The following DTNA variants were observed in gnomAD, a reference collection of about 807,000 sequenced individuals.
DTNA encodes the protein dystrophin-related protein 3.
Under a neutral mutation model 100.7 loss-of-function variants are expected in DTNA, and 43 were observed. The ratio of observed to expected loss-of-function variants is 0.43; its 90% CI spans 0.33 to 0.55. The LOEUF (loss-of-function observed/expected upper bound fraction) is 0.55, where lower values mean the gene tolerates loss of function less well. Among genes scored for constraint, DTNA ranks in the 20% least tolerant of loss-of-function variants. The pLI, the probability that DTNA is intolerant of heterozygous loss-of-function variation, is 0.04. For missense variants in DTNA, 798 were observed against 953.9 expected, an observed-to-expected ratio of 0.84 and a Z score of 2.15; for synonymous variants, 349 against 347.9, an observed-to-expected ratio of 1.00 and a Z score of -0.04.
chr18:34,527,877 G>A (rs2042777301), intron 1 of DTNA, among the ~76,000 whole-genome samples: 1 of 151,882 alleles, frequency 6.6e-6, no homozygotes, highest in African/African-American at 2.4e-5. Context: ...CACCTATTTG[G>A]GGAAATTCTC....
chr18:34,735,888 G>A (rs1291600087), intron 1 of DTNA, among the ~76,000 whole-genome samples: 1 of 152,116 alleles, frequency 6.6e-6, no homozygotes, highest in East Asian at 1.9e-4. Flanking sequence ...CTAAAACAGT[G>A]CATGAGAAGC....
chr18:34,517,741 T>G (rs1231229369), intron 1 of DTNA, among the ~76,000 whole-genome samples: 6 of 152,070 alleles, frequency 3.9e-5, no homozygotes, highest in Non-Finnish European at 1.5e-5. Flanking sequence ...TCAACATAAT[T>G]TCATTGAGTT....
At chr18:34,842,811 A>T (rs1292107160) in intron 13 of DTNA, among the ~76,000 whole-genome samples, 2 of 151,994 alleles carry the variant, frequency 1.3e-5, no homozygotes, top group Non-Finnish European at 2.9e-5. Context: ...TTTTCTTCTT[A>T]TCAGCTGCAG....
intron 1 of DTNA, among the ~76,000 whole-genome samples, chr18:34,745,143 T>A (rs1055316459): frequency 2.6e-5 from 4 of 152,128 alleles, no homozygotes; most frequent in African/African-American, 9.7e-5. Context: ...TTATTTATTA[T>A]TATTTCTTCT....
intron 16 of DTNA, among the ~76,000 whole-genome samples, chr18:34,859,263 A>G (rs1473297149): frequency 6.6e-6 from 1 of 152,214 alleles, no homozygotes; most frequent in African/African-American, 2.4e-5. Context: ...CATTTTGAAT[A>G]AAGAATTGGA....
chr18:34,891,592 T>G lies in DTNA; in HGVS notation c.*3858T>G, dbSNP rs1303400332. 6.6e-6 allele frequency: 1 copy of G among 152,178 alleles called. No homozygotes were observed. The highest frequency in any genetic ancestry group is 6.5e-5 in the Admixed American group (1 of 15,284). 9.4% of individuals were successfully genotyped at this position (152,178 alleles called of 1,614,324 possible). ...ATGCATGGTTTTTACCATTCTACTG[T>G]TTTATTAGCATCTGTGAGCATCTAA... On this transcript the variant is annotated 3_prime_UTR_variant, in exon 23 of 23. Transcript: ENST00000444659.
intron 16 of DTNA, among the ~76,000 whole-genome samples, chr18:34,863,210 T>C (rs1432565549): frequency 6.6e-6 from 1 of 152,224 alleles, no homozygotes; most frequent in African/African-American, 2.4e-5. Context: ...TTCATTTCTT[T>C]CCCCCTTTAA....
intron 20 of DTNA, among the ~76,000 whole-genome samples, chr18:34,880,471 A>G (rs956412496): frequency 1.3e-5 from 2 of 152,186 alleles, no homozygotes; most frequent in Admixed American, 6.5e-5. Context: ...TTAAATGACC[A>G]TGGTTCATGG....
intron 21 of DTNA, among the ~76,000 whole-genome samples, chr18:34,882,571 T>C (rs2096883686): frequency 6.6e-6 from 1 of 152,032 alleles, no homozygotes; most frequent in African/African-American, 2.4e-5. Flanking sequence ...GGCTTCACCA[T>C]ATTGGCCAGG....
chr18:34,615,517 C>T (rs1228507501), intron 1 of DTNA, among the ~76,000 whole-genome samples: 1 of 152,146 alleles, frequency 6.6e-6, no homozygotes, highest in Non-Finnish European at 1.5e-5. Flanking sequence ...GAGTATGACT[C>T]AGGAAAGGCT....
At chr18:34,611,293 C>A (rs1164293825) in intron 1 of DTNA, among the ~76,000 whole-genome samples, 1 of 152,240 alleles carries the variant, frequency 6.6e-6, no homozygotes, top group Non-Finnish European at 1.5e-5. Context: ...GGAAACAGTA[C>A]CATTCAACTC....
At chr18:34,773,204 A>G (rs1228486231) in intron 3 of DTNA, among the ~76,000 whole-genome samples, 17 of 152,338 alleles carry the variant, frequency 1.1e-4, no homozygotes, top group Admixed American at 1.1e-3. Flanking sequence ...TCATAATATC[A>G]TCTGCAAAAT....
At chr18:34,556,937 G>A (rs894443079) in intron 1 of DTNA, among the ~76,000 whole-genome samples, 1 of 147,116 alleles carries the variant, frequency 6.8e-6, no homozygotes, top group African/African-American at 2.6e-5. Context: ...GATTGGGGAA[G>A]TTCTCCTGGA....
chr18:34,737,784 G>A (rs1460200183), intron 1 of DTNA: 3 of 152,126 alleles, frequency 2.0e-5, no homozygotes, highest in Admixed American at 2.0e-4. Context: ...CACGTGACCC[G>A]GCTGTAGTCA....
At chr18:34,750,520 A>G (rs1450806391) in intron 1 of DTNA, among the ~76,000 whole-genome samples, 1 of 152,200 alleles carries the variant, frequency 6.6e-6, no homozygotes, top group Non-Finnish European at 1.5e-5. Flanking sequence ...ATCTGGAATA[A>G]GGTTACTGGT....
rs2096960995 is a variant in DTNA, at chr18:34,890,775, T to C, written c.*3041T>C. The C allele has an allele frequency of 3.2e-6, 1 of 313,656 alleles. No individual in the cohort carries two copies. The highest frequency in any genetic ancestry group is 5.4e-5 in the South Asian group (1 of 18,566). The allele number at this position is 313,656 out of a possible 1,614,324, so 19.4% of individuals were successfully genotyped here. A position where few individuals can be genotyped will look rare whatever the true frequency, so the allele number is the denominator to read the frequency against. On this transcript the variant is annotated 3_prime_UTR_variant, in exon 23 of 23. Transcript: ENST00000444659. ...TCTACTATAAGGCAGGGAAGGTTCA[T>C]TTGTAAGTAGTAATGTGAACTGAAT... is the stretch of plus-strand genomic sequence containing the variant.
intron 9 of DTNA, among the ~76,000 whole-genome samples, chr18:34,826,388 T>C (rs2095859034): frequency 6.6e-6 from 1 of 152,078 alleles, no homozygotes; most frequent in African/African-American, 2.4e-5. Flanking sequence ...CAGAGACTTA[T>C]TCTAAGTCTC....
At chr18:34,741,720 A>G (rs2147764783) in intron 1 of DTNA, among the ~76,000 whole-genome samples, 1 of 152,298 alleles carries the variant, frequency 6.6e-6, no homozygotes, top group East Asian at 1.9e-4. Context: ...CAGATATGCA[A>G]GAAATATTCA....
intron 1 of DTNA, among the ~76,000 whole-genome samples, chr18:34,743,017 C>T (rs2090984834): frequency 1.3e-5 from 2 of 152,124 alleles, no homozygotes; most frequent in Admixed American, 6.6e-5. Flanking sequence ...AAATTAGAGC[C>T]ATGGCTCTCT....
Sources: allele counts gnomAD v4.1 joint callset (sites outside exome capture counted in the v4.1 genomes callset), GRCh38; gene constraint gnomAD v4.1.1; transcripts MANE v1.5; gene names NCBI Gene and HGNC (gene_info 2026-07-23, HGNC 2026-07-21).